Variants in TMEM232 observed in about 807,000 individuals in gnomAD.
The protein encoded by TMEM232 is transmembrane protein 232.
Under a neutral mutation model 78.8 loss-of-function variants are expected in TMEM232, and 80 were observed. The ratio of observed to expected loss-of-function variants is 1.01; its 90% CI spans 0.85 to 1.22. The LOEUF (loss-of-function observed/expected upper bound fraction) is 1.22. Ranked by LOEUF, TMEM232 falls within the 50% of genes most tolerant of loss-of-function variation. The pLI is 0.00. For synonymous variants in TMEM232, 297 were observed against 254.3 expected, an observed-to-expected ratio of 1.17 and a Z score of -1.60; for missense variants, 881 against 742.2, an observed-to-expected ratio of 1.19 and a Z score of -2.17.
intron 1 of TMEM232, among the ~76,000 whole-genome samples, chr5:110,692,979 G>A (rs989118226): frequency 2.0e-5 from 3 of 152,196 alleles, no homozygotes; most frequent in African/African-American, 7.2e-5. Flanking sequence ...CACGCAGTTC[G>A]AGATCTGAGA....
intron 12 of TMEM232, among the ~76,000 whole-genome samples, chr5:110,497,062 G>C (rs1399694160): frequency 1.3e-5 from 2 of 151,814 alleles, no homozygotes; most frequent in East Asian, 1.9e-4. Context: ...TTCCTTATCT[G>C]TCAGATAAGG....
At chr5:110,458,674 A>G (rs550501698) in intron 12 of TMEM232, among the ~76,000 whole-genome samples, 1 of 152,220 alleles carries the variant, frequency 6.6e-6, no homozygotes, top group East Asian at 1.9e-4. Context: ...ATTAATTTCC[A>G]TTTATTTTAT....
chr5:110,606,298 T>G lies in TMEM232; in HGVS notation c.903-11A>C, dbSNP rs972902283. The G allele has an allele frequency of 1.5e-5, 23 of 1,513,096 alleles. No individual in the cohort carries two copies. The highest frequency in any genetic ancestry group is 4.9e-5 in the East Asian group (2 of 40,676). The allele number at this position is 1,513,096 out of a possible 1,614,324, so 93.7% of individuals were successfully genotyped here. A position where few individuals can be genotyped will look rare whatever the true frequency, so the allele number is the denominator to read the frequency against. ...AGTACTGAATCCAACCTGAAAATTT[T>G]ATGGACGAAAGGATAAAGATTTTAA... is the stretch of plus-strand genomic sequence containing the variant. On this transcript the variant is annotated splice_polypyrimidine_tract_variant and intron_variant, in intron 8 of 13. Transcript: ENST00000455884.
chr5:110,563,213 G>A (rs575261320), intron 11 of TMEM232, among the ~76,000 whole-genome samples: 1 of 151,992 alleles, frequency 6.6e-6, no homozygotes, highest in Non-Finnish European at 1.5e-5. Flanking sequence ...TTAATTCTCA[G>A]CGCTGACTAC....
rs1023847198 is a variant in TMEM232, at chr5:110,528,587, C to T, written c.1703+1G>A. On this transcript the variant is annotated splice_donor_variant, in intron 12 of 13. Coordinates refer to ENST00000455884, the MANE Select transcript of TMEM232 (RefSeq NM_001039763.4). LOFTEE classifies it high-confidence loss of function. ...ATAAAACCGATAGTACTTCTCTTTA[C>T]CTTACAGTGAAATGTAGAACTTGCT... 1.3e-6 allele frequency: 2 copies of T among 1,528,018 alleles called. No homozygotes were observed. Among genetic ancestry groups the T allele is most frequent in the African/African-American group, 2.8e-5 (2 of 72,496 alleles). 94.7% of individuals were successfully genotyped at this position (1,528,018 alleles called of 1,614,324 possible).
chr5:110,485,484 A>G (rs11955673), intron 12 of TMEM232, among the ~76,000 whole-genome samples: 2,949 of 152,150 alleles, frequency 0.019, 89 homozygotes, highest in African/African-American at 0.068. Flanking sequence ...CCAAGTCCCC[A>G]AAGTCCATTG....
At chr5:110,468,205 C>A (rs894019307) in intron 12 of TMEM232, among the ~76,000 whole-genome samples, 19 of 152,144 alleles carry the variant, frequency 1.2e-4, no homozygotes, top group African/African-American at 3.9e-4. Context: ...AATGAAATAA[C>A]ATCTTTTAAA....
chr5:110,736,883 G>A (rs550626979), intron 1 of TMEM232, among the ~76,000 whole-genome samples: 3 of 151,484 alleles, frequency 2.0e-5, no homozygotes, highest in East Asian at 1.9e-4. Flanking sequence ...CTATCGGGGC[G>A]TTTCTCTTGC....
At chr5:110,689,143 C>G (rs1793781953) in intron 1 of TMEM232, among the ~76,000 whole-genome samples, 2 of 152,198 alleles carry the variant, frequency 1.3e-5, no homozygotes, top group East Asian at 3.9e-4. Context: ...TTAACTTTGG[C>G]AAATAAATCT....
At chr5:110,512,971 T>C (rs547830693) in intron 12 of TMEM232, among the ~76,000 whole-genome samples, 1 of 152,336 alleles carries the variant, frequency 6.6e-6, no homozygotes, top group African/African-American at 2.4e-5. Flanking sequence ...GGTTGATGAT[T>C]GTATTAAAGA....
At chr5:110,497,196 A>G (rs931511052) in intron 12 of TMEM232, among the ~76,000 whole-genome samples, 1 of 152,152 alleles carries the variant, frequency 6.6e-6, no homozygotes, top group Non-Finnish European at 1.5e-5. Context: ...ATGAGTATTG[A>G]AAACCTATGG....
At chr5:110,626,205 T>C (rs146238627) in intron 6 of TMEM232, among the ~76,000 whole-genome samples, 57 of 151,904 alleles carry the variant, frequency 3.8e-4, no homozygotes, top group South Asian at 1.0e-3. Context: ...TTGAGGAGGG[T>C]ATATCCTCAA....
At chr5:110,676,731 T>TTTTA (rs146657284) in intron 1 of TMEM232, among the ~76,000 whole-genome samples, 25,562 of 139,174 alleles carry the variant, frequency 0.18, 2,759 homozygotes, top group African/African-American at 0.26. Flanking sequence ...ACCCTTCATC[T>TTTTA]TTTATTTATT....
At chr5:110,448,035 A>C (rs1759857254) in intron 12 of TMEM232, among the ~76,000 whole-genome samples, 1 of 152,070 alleles carries the variant, frequency 6.6e-6, no homozygotes, top group Non-Finnish European at 1.5e-5. Flanking sequence ...TATTGAAATG[A>C]CTTACTATAC....
At chr5:110,623,726 T>C (rs1237432798) in intron 7 of TMEM232, among the ~76,000 whole-genome samples, 2 of 152,090 alleles carry the variant, frequency 1.3e-5, no homozygotes, top group Admixed American at 6.6e-5. Flanking sequence ...TGCTATCCTA[T>C]ATTTATAGTC....
intron 10 of TMEM232, among the ~76,000 whole-genome samples, chr5:110,596,968 C>A (rs1780245476): frequency 1.3e-5 from 2 of 152,140 alleles, no homozygotes; most frequent in African/African-American, 4.8e-5. Context: ...ATAGGGATGA[C>A]CTCTCTCACC....
chr5:110,402,831 G>A (rs1755652991), intron 2 of TMEM232, among the ~76,000 whole-genome samples: 1 of 152,118 alleles, frequency 6.6e-6, no homozygotes, highest in South Asian at 2.1e-4. Flanking sequence ...GCTTCACAAA[G>A]ACTACAAAAA....
intron 1 of TMEM232, among the ~76,000 whole-genome samples, chr5:110,668,957 T>G (rs1044712117): frequency 2.2e-4 from 34 of 152,218 alleles, no homozygotes; most frequent in Admixed American, 4.6e-4. Flanking sequence ...CATACCAGAA[T>G]CTCTGGGACA....
At chr5:110,585,216 T>C (rs1778666888) in intron 10 of TMEM232, among the ~76,000 whole-genome samples, 1 of 152,124 alleles carries the variant, frequency 6.6e-6, no homozygotes, top group African/African-American at 2.4e-5. Context: ...TTACCAACCA[T>C]ACAAGGGAAT....
Sources: gnomAD v4.1 joint callset for allele counts (sites outside exome capture counted in the v4.1 genomes callset) on GRCh38, gnomAD v4.1.1 for gene constraint, MANE v1.5 for transcripts, NCBI Gene and HGNC (gene_info 2026-07-23, HGNC 2026-07-21) for gene names.